WDR64: variants seen among roughly 807,000 people sequenced by gnomAD.
The protein encoded by WDR64 is WD repeat domain 64.
Under a neutral mutation model 139.3 loss-of-function variants are expected in WDR64, and 112 were observed. That is an observed-to-expected ratio of 0.80 (90% CI 0.69 to 0.94). WDR64 has a LOEUF of 0.94. Among genes scored for constraint, WDR64 ranks in the 40% least tolerant of loss-of-function variants. The pLI is 0.00. For missense variants in WDR64, 1,206 were observed against 1,293.1 expected, an observed-to-expected ratio of 0.93 and a Z score of 1.03; for synonymous variants, 444 against 437.7, an observed-to-expected ratio of 1.01 and a Z score of -0.18.
intron 8 of WDR64, among the ~76,000 whole-genome samples, chr1:241,690,037 A>T (rs949050073): frequency 6.6e-6 from 1 of 152,212 alleles, no homozygotes; most frequent in African/African-American, 2.4e-5. Flanking sequence ...GTACATTTGA[A>T]GTAATGACTA....
Position 241,772,805 on chromosome 1 carries a change from T to A in WDR64, c.2304T>A (p.Asp768Glu). Reference sequence around the variant, plus strand: ...TTTCTCGAATAGGTGAACAAACAGATGTAATGGTGGGAAAGCAACAGCCAA... The same window carrying A: ...TTTCTCGAATAGGTGAACAAACAGAAGTAATGGTGGGAAAGCAACAGCCAA... ...HDSEVKGEQT[D>E]VMVGKQQPMD... The change falls in exon 20 of 28, where the codon GAT (aspartate) becomes GAA (glutamate). Residue 768 changes from aspartate to glutamate, a missense_variant. Coordinates refer to ENST00000437684, the MANE Select transcript of WDR64 (RefSeq NM_001367482.1). The A allele has an allele frequency of 1.9e-6, 3 of 1,551,748 alleles. No homozygotes were observed. Among genetic ancestry groups the A allele is most frequent in the Non-Finnish European group, 2.6e-6 (3 of 1,146,982 alleles).
At chr1:241,769,672 G>A (rs1658345337) in intron 17 of WDR64, among the ~76,000 whole-genome samples, 167 bp downstream of exon 17, 1 of 152,226 alleles carries the variant, frequency 6.6e-6, no homozygotes, top group African/African-American at 2.4e-5. Context: ...CAGTTGGGTT[G>A]ACACGTGGCT....
intron 1 of WDR64, among the ~76,000 whole-genome samples, chr1:241,657,165 A>T (rs996819598): frequency 6.6e-6 from 1 of 152,076 alleles, no homozygotes; most frequent in African/African-American, 2.4e-5. Flanking sequence ...TAATAATTTT[A>T]AAAAGAGGCA....
chr1:241,704,194 C>T (rs79032519), intron 8 of WDR64, among the ~76,000 whole-genome samples: 3,993 of 152,244 alleles, frequency 0.026, 73 homozygotes, highest in South Asian at 0.044. Flanking sequence ...GCCAAGAGGA[C>T]AGTCTCCTTC....
chr1:241,779,171 C>T (rs1352558873), intron 21 of WDR64, among the ~76,000 whole-genome samples: 1 of 152,110 alleles, frequency 6.6e-6, no homozygotes, highest in African/African-American at 2.4e-5. Flanking sequence ...TTTCTCTCAA[C>T]ATGTTAAATA....
At chr1:241,658,925 G>T (rs531557936) in intron 1 of WDR64, among the ~76,000 whole-genome samples, 1 of 151,168 alleles carries the variant, frequency 6.6e-6, no homozygotes, top group African/African-American at 2.4e-5. Context: ...TAAGTTCAGG[G>T]GTACGTGTGC....
intron 8 of WDR64, among the ~76,000 whole-genome samples, chr1:241,690,348 G>A (rs1176737883): frequency 1.3e-5 from 2 of 151,982 alleles, no homozygotes; most frequent in East Asian, 1.9e-4. Flanking sequence ...GCGCACACCT[G>A]TAATCCCAGC....
intron 13 of WDR64, among the ~76,000 whole-genome samples, chr1:241,749,068 G>T (rs556167206): frequency 6.6e-6 from 1 of 152,280 alleles, no homozygotes; most frequent in Non-Finnish European, 1.5e-5. Context: ...CTTACCGGCT[G>T]GGATTCCCTC....
intron 9 of WDR64, among the ~76,000 whole-genome samples, chr1:241,713,056 C>T (rs528376886): frequency 6.7e-4 from 101 of 151,612 alleles, no homozygotes; most frequent in East Asian, 4.1e-3. Context: ...CCAATAATCC[C>T]GGCACTTTGG....
chr1:241,773,804 T>C (rs1658551179), intron 20 of WDR64, among the ~76,000 whole-genome samples: 1 of 152,220 alleles, frequency 6.6e-6, no homozygotes. Flanking sequence ...ATTCAAAATA[T>C]TCAAATCTTT....
chr1:241,730,754 T>C (rs1669046432), intron 10 of WDR64, among the ~76,000 whole-genome samples: 1 of 152,236 alleles, frequency 6.6e-6, no homozygotes, highest in African/African-American at 2.4e-5. Context: ...TGCCTATTTA[T>C]ATTTTGATGT....
chr1:241,781,082 CTGA>C lies in WDR64; in HGVS notation c.2595+1025_2595+1027del, dbSNP rs1574092629. 2.0e-5 allele frequency among the ~76,000 whole-genome samples: 3 copies of C among 152,242 alleles called. No homozygotes were observed. In the South Asian group the frequency reaches 6.2e-4, roughly 32 times the overall value. ...GTTATGTAATTGTTTTATCCTACTGCTGATGATTATTATATTGTATTATTAATT... is the reference window on the plus strand; with the variant it reads ...GTTATGTAATTGTTTTATCCTACTGCTGATTATTATATTGTATTATTAATT... On this transcript the variant is annotated intron_variant, in intron 22 of 27. Coordinates refer to ENST00000437684, the MANE Select transcript of WDR64 (RefSeq NM_001367482.1).
chr1:241,652,705 G>A, intron 1 of WDR64, 76 bp downstream of exon 1: 1 of 1,501,260 alleles, frequency 6.7e-7, no homozygotes, highest in South Asian at 1.3e-5. Flanking sequence ...CCATCAGAGA[G>A]AAGCATCAGA....
chr1:241,772,811 G>A lies in WDR64; in HGVS notation c.2310G>A (p.Met770Ile), dbSNP rs1215056529. Residue 770 changes from methionine to isoleucine, a missense_variant, in exon 20 of 28, where the codon ATG becomes ATA. Coordinates refer to ENST00000437684, the MANE Select transcript of WDR64 (RefSeq NM_001367482.1). ...GAATAGGTGAACAAACAGATGTAAT[G>A]GTGGGAAAGCAACAGCCAATGGACA... is the stretch of plus-strand genomic sequence containing the variant. ...SEVKGEQTDVMVGKQQPMDKK... is the reference protein window; with the variant it reads ...SEVKGEQTDVIVGKQQPMDKK... 2 of 1,551,818 alleles carry A rather than the reference G, an allele frequency of 1.3e-6. No individual in the cohort carries two copies. The highest frequency in any genetic ancestry group is 3.9e-5 in the Admixed American group (2 of 50,986).
chr1:241,745,874 T>G (rs1181049906), intron 13 of WDR64, among the ~76,000 whole-genome samples: 1 of 152,170 alleles, frequency 6.6e-6, no homozygotes, highest in African/African-American at 2.4e-5. Flanking sequence ...TGGGAAAAGC[T>G]GAGGAGTACG....
intron 14 of WDR64, among the ~76,000 whole-genome samples, chr1:241,752,329 A>G (rs1670009971): frequency 6.6e-6 from 1 of 152,230 alleles, no homozygotes; most frequent in African/African-American, 2.4e-5. Context: ...TTTTAAGATT[A>G]TATCTTTCCT....
At chr1:241,662,443 C>A (rs1289571476) in intron 2 of WDR64, among the ~76,000 whole-genome samples, 2 of 152,112 alleles carry the variant, frequency 1.3e-5, no homozygotes, top group African/African-American at 4.8e-5. Flanking sequence ...TGCAAGCGTC[C>A]CTCTTGTCCT....
At chr1:241,665,952 A>G (rs1666010119) in intron 2 of WDR64, among the ~76,000 whole-genome samples, 1 of 152,204 alleles carries the variant, frequency 6.6e-6, no homozygotes, top group African/African-American at 2.4e-5. Flanking sequence ...ATGTTAAAAG[A>G]ATGTTCCAGG....
chr1:241,779,251 AT>A lies in WDR64; in HGVS notation c.2537-744del, dbSNP rs916645873. On this transcript the variant is annotated intron_variant, in intron 21 of 27. Transcript: ENST00000437684. ...TGATGTCATTCTTATGTTTGTGTTC[AT>A]TTTTTTTTCCTCCATCTGGCTTCTT... Among the ~76,000 whole-genome samples the A allele has an allele frequency of 4.2e-4, 63 of 149,758 alleles. 1 individual carries two copies. The highest frequency in any genetic ancestry group is 1.4e-3 in the Admixed American group (21 of 15,054).
Sources: allele counts gnomAD v4.1 joint callset (sites outside exome capture counted in the v4.1 genomes callset), GRCh38; gene constraint gnomAD v4.1.1; transcripts MANE v1.5; gene names NCBI Gene and HGNC (gene_info 2026-07-23, HGNC 2026-07-21).